The following CCDC40 variants were observed in gnomAD, a reference collection of about 807,000 sequenced individuals.
CCDC40 encodes coiled-coil domain-containing protein 40.
In CCDC40, 104 loss-of-function variants were observed where a neutral mutation model predicts 124.5. The observed-to-expected ratio is 0.84, with a 90% CI of 0.71 to 0.98. The LOEUF (loss-of-function observed/expected upper bound fraction) is 0.98. CCDC40 is among the 50% of genes least tolerant of loss of function. The probability of loss-of-function intolerance (pLI) is 0.00; values close to 1 mark genes in which losing one functional copy is unlikely to be tolerated. For synonymous variants in CCDC40, 580 were observed against 602.9 expected (o/e 0.96, Z 0.56); for missense variants, 1,463 against 1,503.9 (o/e 0.97, Z 0.45).
chr17:80,047,187 GACA>G (rs1341806585), intron 3 of CCDC40, 89 bp from the exon 4 acceptor site: 2 of 1,410,614 alleles, frequency 1.4e-6, no homozygotes, highest in Non-Finnish European at 2.0e-6. Flanking sequence ...TTTTGAGTCT[GACA>G]ACTTTCACAA....
At position 80,036,684 on chromosome 17, in the gene CCDC40, G is replaced by T. The variant is rs2143550307; in HGVS notation, c.22G>T (p.Ala8Ser). The T allele has an allele frequency of 6.8e-7, 1 of 1,462,272 alleles. No homozygotes were observed. The highest frequency in any genetic ancestry group is 2.8e-5 in the East Asian group (1 of 35,210). 90.6% of individuals were successfully genotyped at this position (1,462,272 alleles called of 1,614,324 possible). ...GGAAATGGCGGAACCGGGCGGCGCG[G>T]CGGGCCGGTAAGCCGGGCCGAGGGG... MAEPGGA[A>S]GRSHPEDGSA... Residue 8 changes from alanine (A) to serine (S), a missense_variant, in exon 1 of 20, where the codon GCG (alanine) becomes TCG (serine). Ala to Ser is a moderately conservative substitution (Grantham distance 99). Transcript: ENST00000397545.
chr17:80,070,492 T>C (rs542521128), intron 10 of CCDC40, among the ~76,000 whole-genome samples: 1 of 151,988 alleles, frequency 6.6e-6, no homozygotes, highest in Non-Finnish European at 1.5e-5. Context: ...TCTCATCTAC[T>C]TGGGAGGCAG....
intron 10 of CCDC40, among the ~76,000 whole-genome samples, chr17:80,075,401 C>T (rs1417124813): frequency 2.0e-5 from 3 of 151,934 alleles, no homozygotes; most frequent in African/African-American, 7.3e-5. Context: ...CCTTAGTCTC[C>T]CAAGTGGCTA....
intron 18 of CCDC40, 73 bp downstream of exon 18, chr17:80,095,524 T>C (rs1172457919): frequency 2.1e-6 from 3 of 1,448,370 alleles, no homozygotes; most frequent in African/African-American, 1.4e-5. Context: ...CAGGAAGGCG[T>C]CTTGCTGGGT....
intron 19 of CCDC40, among the ~76,000 whole-genome samples, chr17:80,098,198 C>T (rs987502967): frequency 9.9e-5 from 15 of 152,164 alleles, no homozygotes; most frequent in Non-Finnish European, 2.9e-5. Context: ...TACTAGAGGC[C>T]AGTGGGGCAG....
At position 80,066,477 on chromosome 17, in the gene CCDC40, G is replaced by A; in HGVS notation, c.1562+871G>A. On this transcript the variant is annotated intron_variant, in intron 10 of 19. Transcript: ENST00000397545. The surrounding 1 kb of genome is among the most constrained non-coding windows in gnomAD (Gnocchi z 4.4). ...ATTGGATTAACCATACTCATTTCTG[G>A]CCAGGCGCAGTGGCTCGCACCTGTA... The A allele has an allele frequency of 3.1e-6, 1 of 321,434 alleles. No homozygotes were observed. The highest frequency in any genetic ancestry group is 5.8e-6 in the Non-Finnish European group (1 of 173,378). 19.9% of individuals were successfully genotyped at this position (321,434 alleles called of 1,614,324 possible).
At position 80,095,446 on chromosome 17, in the gene CCDC40, C is replaced by T. The variant is rs553354727; in HGVS notation, c.3016C>T (p.Arg1006Cys). 4.3e-5 allele frequency: 70 copies of T among 1,614,004 alleles called. No homozygotes were observed. Among genetic ancestry groups the T allele is most frequent in the Non-Finnish European group, 5.5e-5 (65 of 1,180,024 alleles). Residue 1006 changes from arginine to cysteine, a missense_variant, in exon 18 of 20, where the codon CGC becomes TGC. Arg to Cys is a radical substitution (Grantham distance 180, BLOSUM62 -3). Transcript: ENST00000397545. ...GCTGCGCCGGAAAATCAGGGACGTT[C>T]GCAAGGTAGGGAGCAGCGGAAAGGA... ...LELRRKIRDV[R>C]KATDECTKTV...
chr17:80,093,843 A>G (rs2038760587), intron 17 of CCDC40, among the ~76,000 whole-genome samples: 1 of 152,004 alleles, frequency 6.6e-6, no homozygotes, highest in Non-Finnish European at 1.5e-5. Context: ...ATTTTTTAGG[A>G]GTTCCTTATA....
chr17:80,058,668 A>G lies in CCDC40; in HGVS notation c.1317+17A>G, dbSNP rs368844915. 6.2e-6 allele frequency: 10 copies of G among 1,613,970 alleles called. No homozygotes were observed. The highest frequency in any genetic ancestry group is 7.6e-6 in the Non-Finnish European group (9 of 1,179,834). Reference sequence around the variant, plus strand: ...AAAAAGCAGGTATTCTGCAAACTCGACACATGTTTAATGATCACCAGACCG... The same window carrying G: ...AAAAAGCAGGTATTCTGCAAACTCGGCACATGTTTAATGATCACCAGACCG... On this transcript the variant is annotated intron_variant, in intron 8 of 19. Coordinates refer to ENST00000397545, the MANE Select transcript of CCDC40 (RefSeq NM_017950.4). This position sits in a 1 kb window ranked among gnomAD's most constrained non-coding sequence, Gnocchi z 4.2.
intron 19 of CCDC40, 99 bp from the exon 20 acceptor site, chr17:80,099,428 T>G (rs776213948): frequency 1.9e-5 from 27 of 1,426,606 alleles, no homozygotes; most frequent in Non-Finnish European, 2.6e-5. Context: ...AGGTCTCGCC[T>G]CCTCTTCGGC....
Position 80,056,007 on chromosome 17 carries a change from TA to T in CCDC40, c.1160-2486del, listed in dbSNP as rs1465201814. 5.4e-3 allele frequency among the ~76,000 whole-genome samples: 226 copies of T among 41,704 alleles called. 9 individuals carry two copies. Among genetic ancestry groups the T allele is most frequent in the African/African-American group, 0.018 (190 of 10,692 alleles). 27.4% of individuals were successfully genotyped at this position (41,704 alleles called of 152,430 possible). A position where few individuals can be genotyped will look rare whatever the true frequency, so the allele number is the denominator to read the frequency against. ...ATATATATATATATATATATATATA[TA>T]TATATATATTTTTTTTTTTTTTTGG... On this transcript the variant is annotated intron_variant, in intron 7 of 19. Coordinates refer to ENST00000397545, the MANE Select transcript of CCDC40 (RefSeq NM_017950.4).
chr17:80,050,021 G>A (rs958243598), intron 6 of CCDC40, 32 bp downstream of exon 6: 8 of 1,613,298 alleles, frequency 5.0e-6, no homozygotes, highest in East Asian at 4.5e-5. Flanking sequence ...CACCCTGGTC[G>A]GATGCCTGCG....
intron 10 of CCDC40, among the ~76,000 whole-genome samples, chr17:80,074,249 G>A (rs1050839952): frequency 2.6e-5 from 4 of 152,152 alleles, no homozygotes; most frequent in Non-Finnish European, 5.9e-5. Context: ...GGTGGCTCAC[G>A]CCTGTAATCC....
At chr17:80,081,081 T>G (rs1035600185) in intron 10 of CCDC40, among the ~76,000 whole-genome samples, 3 of 152,192 alleles carry the variant, frequency 2.0e-5, no homozygotes, top group Admixed American at 2.0e-4. Flanking sequence ...ATTTGGCTGC[T>G]ATTAAAAGAG....
chr17:80,098,900 G>A (rs2038859200), intron 19 of CCDC40: 1 of 151,178 alleles, frequency 6.6e-6, no homozygotes, highest in Non-Finnish European at 1.5e-5. Flanking sequence ...TGAATCGCTT[G>A]AAGCCGGGAG....
chr17:80,090,740 A>G, intron 17 of CCDC40: 1 of 1,395,386 alleles, frequency 7.2e-7, no homozygotes, highest in Non-Finnish European at 9.3e-7. Context: ...GTGGTCATCA[A>G]GCTAAAGGTT....
At chr17:80,070,995 C>G (rs559243904) in intron 10 of CCDC40, among the ~76,000 whole-genome samples, 115 of 152,316 alleles carry the variant, frequency 7.6e-4, no homozygotes, top group African/African-American at 2.7e-3. Flanking sequence ...CAGACCGGGC[C>G]TGCCACACCA....
chr17:80,043,390 C>T (rs758477973), intron 3 of CCDC40, among the ~76,000 whole-genome samples: 50 of 152,118 alleles, frequency 3.3e-4, no homozygotes, highest in African/African-American at 1.1e-3. Flanking sequence ...GACCTCTCAG[C>T]GGCAGGAGAT....
At chr17:80,053,065 C>A (rs527259213) in intron 7 of CCDC40, among the ~76,000 whole-genome samples, 1 of 152,234 alleles carries the variant, frequency 6.6e-6, no homozygotes, top group East Asian at 1.9e-4. Context: ...AAGACATGGA[C>A]GACAGATTAG....
Sources: gnomAD v4.1 joint callset for allele counts (sites outside exome capture counted in the v4.1 genomes callset) on GRCh38, gnomAD v4.1.1 for gene constraint, Gnocchi (gnomAD v3.1) non-coding constraint, MANE v1.5 for transcripts, NCBI Gene and HGNC (gene_info 2026-07-23, HGNC 2026-07-21) for gene names.